IQGAP2: variants seen among roughly 807,000 people sequenced by gnomAD.
The protein encoded by IQGAP2 is ras GTPase-activating-like protein IQGAP2.
Under a neutral mutation model 201.3 loss-of-function variants are expected in IQGAP2, and 173 were observed. The ratio of observed to expected loss-of-function variants is 0.86; its 90% CI spans 0.76 to 0.98. The LOEUF (loss-of-function observed/expected upper bound fraction) is 0.98, where lower values mean the gene tolerates loss of function less well. Among genes scored for constraint, IQGAP2 ranks in the 50% least tolerant of loss-of-function variants. The pLI is 0.00. For synonymous variants in IQGAP2, 675 were observed against 673.9 expected (o/e 1.00, Z -0.03); for missense variants, 1,687 against 1,864.8 (o/e 0.90, Z 1.76).
intron 10 of IQGAP2, among the ~76,000 whole-genome samples, chr5:76,598,965 G>C (rs1011213984): frequency 6.6e-6 from 1 of 152,102 alleles, no homozygotes; most frequent in Non-Finnish European, 1.5e-5. Context: ...TTTGCAAAAA[G>C]AAAGTGAAGT....
rs547155944 is a variant in IQGAP2 at position 76,644,295 on chromosome 5, C to CT, written c.2094+3214dup. Among the ~76,000 whole-genome samples, 76 of 47,780 alleles carry CT rather than the reference C, an allele frequency of 1.6e-3. 9 individuals carry two copies. The highest frequency in any genetic ancestry group is 3.8e-3 in the East Asian group (8 of 2,118). 31.3% of individuals were successfully genotyped at this position (47,780 alleles called of 152,430 possible). A position where few individuals can be genotyped will look rare whatever the true frequency, so the allele number is the denominator to read the frequency against. On this transcript the variant is annotated intron_variant, in intron 17 of 35. Transcript: ENST00000274364. ...AATGAGACTGCCATTTTTGTAAATC[C>CT]TTTTTTTTTTTTTTTTTTTTTTGAG...
intron 2 of IQGAP2, chr5:76,510,664 C>T (rs560534827): frequency 4.8e-5 from 26 of 536,168 alleles, no homozygotes; most frequent in African/African-American, 3.8e-4. Context: ...GGACTGCCAC[C>T]GCTAAACAGC....
chr5:76,520,726 C>T (rs1029525418), intron 2 of IQGAP2, among the ~76,000 whole-genome samples: 1 of 55,822 alleles, frequency 1.8e-5, no homozygotes, highest in Admixed American at 2.3e-4. Flanking sequence ...TTTTTTGAAA[C>T]GGAGTCTCAC....
intron 3 of IQGAP2, among the ~76,000 whole-genome samples, chr5:76,563,424 A>T (rs1437381602): frequency 6.6e-6 from 1 of 152,244 alleles, no homozygotes; most frequent in East Asian, 1.9e-4. Context: ...TTTCAAAATA[A>T]TTGAGGGGAA....
chr5:76,631,799 C>A, intron 14 of IQGAP2, 60 bp from the exon 15 acceptor site: 1 of 1,246,918 alleles, frequency 8.0e-7, no homozygotes, highest in Non-Finnish European at 1.1e-6. Flanking sequence ...TATATATTTG[C>A]ATGCCTTGAA....
intron 17 of IQGAP2, among the ~76,000 whole-genome samples, chr5:76,641,553 G>A (rs961219595): frequency 6.6e-6 from 1 of 152,190 alleles, no homozygotes; most frequent in Admixed American, 6.5e-5. Flanking sequence ...TCTACCTTCT[G>A]TAATCTGTCA....
chr5:76,468,550 C>T (rs1390439743), intron 2 of IQGAP2, among the ~76,000 whole-genome samples: 1 of 152,174 alleles, frequency 6.6e-6, no homozygotes, highest in African/African-American at 2.4e-5. Flanking sequence ...AGGATTCCAG[C>T]ATCTCTTGTG....
At position 76,674,661 on chromosome 5, in the gene IQGAP2, A is replaced by T. The variant is rs201262213; in HGVS notation, c.3479A>T (p.His1160Leu). The change falls in exon 27 of 36, where the codon CAT becomes CTT. Residue 1160 changes from histidine to leucine, a missense_variant. By Grantham distance (99) the His-to-Leu change is moderately conservative. Coordinates refer to ENST00000274364, the MANE Select transcript of IQGAP2 (RefSeq NM_006633.5). Reference sequence around the variant, plus strand: ...AAGCTGTTTGAAGGAGAAAATGAGCATCTCTCATCTATGAACAATTATTTA... The same window carrying T: ...AAGCTGTTTGAAGGAGAAAATGAGCTTCTCTCATCTATGAACAATTATTTA... ...SNKLFEGENE[H>L]LSSMNNYLSE... 1.8e-5 allele frequency: 29 copies of T among 1,614,154 alleles called. No homozygotes were observed. The highest frequency in any genetic ancestry group is 1.0e-4 in the Admixed American group (6 of 60,026).
chr5:76,576,125 A>T (rs904351490), intron 5 of IQGAP2, among the ~76,000 whole-genome samples: 1 of 152,216 alleles, frequency 6.6e-6, no homozygotes, highest in African/African-American at 2.4e-5. Context: ...ATGCAGATAT[A>T]TCAAATGAGC....
chr5:76,707,138 T>C, intron 35 of IQGAP2, 62 bp from the exon 36 acceptor site: 1 of 823,614 alleles, frequency 1.2e-6, no homozygotes, highest in Non-Finnish European at 2.1e-6. Context: ...ATTCTTCTAA[T>C]ATGTTTTTTA....
At position 76,589,738 on chromosome 5, in the gene IQGAP2, T is replaced by C. The variant is rs770459444; in HGVS notation, c.640+10T>C. The C allele has an allele frequency of 2.0e-6, 3 of 1,521,504 alleles. No individual in the cohort carries two copies. The highest frequency in any genetic ancestry group is 1.7e-4 in the Middle Eastern group (1 of 5,856). The allele number at this position is 1,521,504 out of a possible 1,614,324, so 94.3% of individuals were successfully genotyped here. On this transcript the variant is annotated intron_variant, in intron 7 of 35. Transcript: ENST00000274364. ...GTGGATGAAGCTGCATGTAAGTCCA[T>C]TCAAAATCCAAACTTGCCATGGATG...
rs199567785 is a variant in IQGAP2, at chr5:76,654,218, A to G, written c.2197A>G (p.Met733Val). Residue 733 changes from methionine to valine, a missense_variant, in exon 19 of 36, where the codon ATG (methionine) becomes GTG (valine). Physicochemically the swap from Met to Val is conservative, Grantham distance 21. Coordinates refer to ENST00000274364, the MANE Select transcript of IQGAP2 (RefSeq NM_006633.5). The part of the protein sequence containing the change: ...SIVKIQSWFR[M>V]ATARKSYLSR... Reference sequence around the variant, plus strand: ...CTTTCAGATTCAGTCCTGGTTCCGAATGGCAACTGCAAGAAAGAGCTATCT... The same window carrying G: ...CTTTCAGATTCAGTCCTGGTTCCGAGTGGCAACTGCAAGAAAGAGCTATCT... The G allele has an allele frequency of 1.2e-6, 2 of 1,610,072 alleles. No homozygotes were observed. The highest frequency in any genetic ancestry group is 1.7e-6 in the Non-Finnish European group (2 of 1,178,120).
intron 2 of IQGAP2, among the ~76,000 whole-genome samples, chr5:76,558,998 T>C (rs1209862228): frequency 1.3e-5 from 2 of 152,188 alleles, no homozygotes; most frequent in African/African-American, 4.8e-5. Flanking sequence ...CCTCCTGGGT[T>C]CACACCATTC....
At chr5:76,560,422 G>T (rs1286131007) in intron 2 of IQGAP2, among the ~76,000 whole-genome samples, 2 of 151,702 alleles carry the variant, frequency 1.3e-5, no homozygotes, top group African/African-American at 4.9e-5. Context: ...CTCCCAAAGT[G>T]CTGGAATTAC....
chr5:76,668,455 A>G (rs4235701), intron 22 of IQGAP2, among the ~76,000 whole-genome samples: 63,491 of 151,316 alleles, frequency 0.42, 13,699 homozygotes, highest in Non-Finnish European at 0.44. Context: ...AGAAAGTTAT[A>G]TAATATCAGT....
chr5:76,468,995 C>T (rs76800059), intron 2 of IQGAP2, among the ~76,000 whole-genome samples: 109 of 152,296 alleles, frequency 7.2e-4, no homozygotes, highest in Non-Finnish European at 1.3e-3. Context: ...CAGTATCATT[C>T]GCTACTAAGG....
chr5:76,599,114 G>A (rs1414604154), intron 10 of IQGAP2, among the ~76,000 whole-genome samples: 1 of 152,108 alleles, frequency 6.6e-6, no homozygotes, highest in African/African-American at 2.4e-5. Context: ...GAGTGTGGTA[G>A]TTCCTGTCTG....
At position 76,515,181 on chromosome 5, in the gene IQGAP2, G is replaced by A. The variant is rs142832537; in HGVS notation, c.147-47215G>A. ...CTAACCACATGCAAAAGAAGGGCAC[G>A]TACTTATCATGCTTCTTCACATGCT... On this transcript the variant is annotated intron_variant, in intron 2 of 35. Coordinates refer to ENST00000274364, the MANE Select transcript of IQGAP2 (RefSeq NM_006633.5). Among the ~76,000 whole-genome samples, 1,136 of 152,316 alleles carry A rather than the reference G, an allele frequency of 7.5e-3. 4 individuals carry two copies. The highest frequency in any genetic ancestry group is 0.012 in the Non-Finnish European group (783 of 68,026).
intron 17 of IQGAP2, among the ~76,000 whole-genome samples, chr5:76,650,074 T>C (rs1054144868): frequency 1.5e-4 from 23 of 152,212 alleles, no homozygotes; most frequent in African/African-American, 5.5e-4. Context: ...ATCAAGGCCC[T>C]GGGCCCACAA....
Sources: allele counts gnomAD v4.1 joint callset (sites outside exome capture counted in the v4.1 genomes callset), GRCh38; gene constraint gnomAD v4.1.1; transcripts MANE v1.5; gene names NCBI Gene and HGNC (gene_info 2026-07-23, HGNC 2026-07-21).